The following POGZ variants were observed in gnomAD, a reference collection of about 807,000 sequenced individuals.
POGZ encodes the protein pogo transposable element with ZNF domain.
In POGZ, 17 loss-of-function variants were observed where a neutral mutation model predicts 134.6. The ratio of observed to expected loss-of-function variants is 0.13; its 90% CI spans 0.09 to 0.19. The LOEUF is 0.19. POGZ is among the 10% of genes least tolerant of loss of function. POGZ has a pLI of 1.00. For synonymous variants in POGZ, 693 were observed against 657.1 expected (o/e 1.05, Z -0.84); for missense variants, 1,306 against 1,769.7 (o/e 0.74, Z 4.70).
At chr1:151,454,176 A>T (rs997139302) in intron 1 of POGZ, among the ~76,000 whole-genome samples, 2 of 152,220 alleles carry the variant, frequency 1.3e-5, no homozygotes, top group Admixed American at 1.3e-4. Context: ...ATCAACATAA[A>T]AAGAACATTT....
intron 3 of POGZ, among the ~76,000 whole-genome samples, chr1:151,439,742 T>A (rs1660219887): frequency 6.6e-6 from 1 of 152,148 alleles, no homozygotes; most frequent in African/African-American, 2.4e-5. Context: ...GACACAACAT[T>A]TCTAGATGGC....
chr1:151,407,060 A>T, intron 16 of POGZ, 37 bp from the exon 17 acceptor site: 1 of 1,504,080 alleles, frequency 6.6e-7, no homozygotes, highest in Non-Finnish European at 9.2e-7. Flanking sequence ...AGACAAACAC[A>T]GCAGTGACAC....
chr1:151,451,975 T>C (rs1571588792), intron 1 of POGZ, among the ~76,000 whole-genome samples: 1 of 151,128 alleles, frequency 6.6e-6, no homozygotes, highest in African/African-American at 2.4e-5. Flanking sequence ...TGGGCACCTG[T>C]AATCCCAGCT....
At chr1:151,448,302 G>A (rs1433483039) in intron 1 of POGZ, among the ~76,000 whole-genome samples, 1 of 152,044 alleles carries the variant, frequency 6.6e-6, no homozygotes, top group East Asian at 1.9e-4. Context: ...AGATCATTAA[G>A]ATAATTTATA....
Position 151,423,640 on chromosome 1 carries a change from T to C in POGZ, c.1524-89A>G, listed in dbSNP as rs181447212. On this transcript the variant is annotated intron_variant, in intron 9 of 18. Transcript: ENST00000271715. ...AATGGTAAAATCACAGAACAAACAT[T>C]ATCTGCTCCCCTCCATTCCCCAGAC... 5.8e-6 allele frequency: 6 copies of C among 1,027,896 alleles called. No individual in the cohort carries two copies. The Admixed American group carries it at 1.0e-4, about 17-fold the overall frequency. The allele number at this position is 1,027,896 out of a possible 1,614,324, so 63.7% of individuals were successfully genotyped here. A position where few individuals can be genotyped will look rare whatever the true frequency, so the allele number is the denominator to read the frequency against.
At chr1:151,448,627 G>A (rs1661598470) in intron 1 of POGZ, among the ~76,000 whole-genome samples, 1 of 151,996 alleles carries the variant, frequency 6.6e-6, no homozygotes, top group African/African-American at 2.4e-5. Context: ...TGGGAGAACT[G>A]CTTGAGCCCT....
chr1:151,419,692 A>AAC (rs1553221703), intron 10 of POGZ, among the ~76,000 whole-genome samples: 32 of 149,528 alleles, frequency 2.1e-4, no homozygotes, highest in Non-Finnish European at 8.9e-5. Context: ...AAAAAAAAAA[A>AAC]AAACTACTTT....
chr1:151,442,942 T>C (rs1571543641), intron 1 of POGZ, among the ~76,000 whole-genome samples: 2 of 150,270 alleles, frequency 1.3e-5, no homozygotes, highest in Admixed American at 1.3e-4. Flanking sequence ...GGCAGGAGAA[T>C]TGCTTGAACC....
chr1:151,458,262 G>A (rs947509957), intron 1 of POGZ, among the ~76,000 whole-genome samples: 4 of 152,034 alleles, frequency 2.6e-5, no homozygotes, highest in Admixed American at 6.6e-5. Flanking sequence ...CTTTGCAAAA[G>A]GTGCCAAGAA....
intron 8 of POGZ, 29 bp from the exon 9 acceptor site, chr1:151,424,315 G>C: frequency 7.3e-7 from 1 of 1,375,268 alleles, no homozygotes; most frequent in Non-Finnish European, 1.0e-6. Flanking sequence ...GATCATTCTG[G>C]TTATCCTGGG....
intron 5 of POGZ, among the ~76,000 whole-genome samples, chr1:151,429,184 G>A (rs1658288161): frequency 6.7e-6 from 1 of 149,728 alleles, no homozygotes; most frequent in African/African-American, 2.5e-5. Flanking sequence ...GTCATTGACA[G>A]TATTTATCCA....
At chr1:151,418,684 A>G (rs780157526) in intron 10 of POGZ, among the ~76,000 whole-genome samples, 1 of 152,182 alleles carries the variant, frequency 6.6e-6, no homozygotes, top group Non-Finnish European at 1.5e-5. Context: ...TATCACATGC[A>G]TCCCTAAACC....
intron 1 of POGZ, among the ~76,000 whole-genome samples, chr1:151,446,528 G>C (rs1318629202): frequency 6.6e-6 from 1 of 152,046 alleles, no homozygotes; most frequent in East Asian, 1.9e-4. Context: ...GGCCGAGGCG[G>C]GGGGATCACC....
chr1:151,412,179 A>C, intron 11 of POGZ, 117 bp downstream of exon 11: 2 of 611,460 alleles, frequency 3.3e-6, no homozygotes, highest in East Asian at 5.5e-5. Flanking sequence ...TTCTGTACCT[A>C]CTCAGAGTTC....
intron 4 of POGZ, 91 bp from the exon 5 acceptor site, chr1:151,429,802 A>C (rs541628483): frequency 3.7e-5 from 22 of 602,468 alleles, no homozygotes; most frequent in African/African-American, 3.0e-4. Context: ...AAAAATTCCC[A>C]TACTCTTACT....
At chr1:151,458,794 G>A (rs925723432) in intron 1 of POGZ, among the ~76,000 whole-genome samples, 1 of 145,702 alleles carries the variant, frequency 6.9e-6, no homozygotes, top group East Asian at 2.0e-4. Context: ...CTGTGTGCGG[G>A]GCCGTGGGGC....
At chr1:151,449,149 T>C (rs1043265350) in intron 1 of POGZ, among the ~76,000 whole-genome samples, 2 of 152,166 alleles carry the variant, frequency 1.3e-5, no homozygotes, top group Non-Finnish European at 1.5e-5. Flanking sequence ...TCCAGTGTTC[T>C]CCAACATATA....
intron 1 of POGZ, among the ~76,000 whole-genome samples, chr1:151,445,011 C>G (rs976304963): frequency 2.0e-5 from 3 of 151,966 alleles, no homozygotes; most frequent in African/African-American, 7.3e-5. Flanking sequence ...CCACTGCACT[C>G]CAGCCTGAGC....
In POGZ at chr1:151,433,500, C is replaced by T. The variant is rs146359393; in HGVS notation, c.284-2659G>A. On this transcript the variant is annotated intron_variant, in intron 3 of 18. Coordinates refer to ENST00000271715, the MANE Select transcript of POGZ (RefSeq NM_015100.4). The stretch of plus-strand genomic sequence containing the variant: ...GCGCATGCCTGTAATCCCAGCTACT[C>T]GGGAGGCTGAGGCAAGAGTATTGCT... Among the ~76,000 whole-genome samples, 166 of 148,452 alleles carry T rather than the reference C, an allele frequency of 1.1e-3. 1 individual carries two copies. In the East Asian group the frequency reaches 0.027, roughly 24 times the overall value.
Sources: allele counts gnomAD v4.1 joint callset (sites outside exome capture counted in the v4.1 genomes callset), GRCh38; gene constraint gnomAD v4.1.1; transcripts MANE v1.5; gene names NCBI Gene and HGNC (gene_info 2026-07-23, HGNC 2026-07-21).